DOCK4: variants seen among roughly 807,000 people sequenced by gnomAD.
DOCK4 encodes dedicator of cytokinesis protein 4.
Under a neutral mutation model 268.1 loss-of-function variants are expected in DOCK4, and 97 were observed. That is an observed-to-expected ratio of 0.36 (90% CI 0.31 to 0.43). DOCK4 has a LOEUF of 0.43. Among genes scored for constraint, DOCK4 ranks in the 20% least tolerant of loss-of-function variants. The pLI is 1.00. For missense variants in DOCK4, 2,145 were observed against 2,455.7 expected, an observed-to-expected ratio of 0.87 and a Z score of 2.67; for synonymous variants, 954 against 887.2, an observed-to-expected ratio of 1.08 and a Z score of -1.34.
At position 111,899,321 on chromosome 7, in the gene DOCK4, G is replaced by A. The variant is rs1173637586; in HGVS notation, c.1480+1053C>T. On this transcript the variant is annotated intron_variant, in intron 15 of 52. Transcript: ENST00000428084. ...CCCCTATTCCTTCCAGACTGGAAGA[G>A]AGCCTGCTGCTTCTTCAAAAATGTG... Among the ~76,000 whole-genome samples the A allele has an allele frequency of 2.0e-5, 3 of 152,198 alleles. No homozygotes were observed. The East Asian group carries it at 5.8e-4, about 29-fold the overall frequency.
intron 16 of DOCK4, among the ~76,000 whole-genome samples, chr7:111,885,300 C>T (rs142030172): frequency 1.3e-5 from 2 of 152,262 alleles, no homozygotes; most frequent in African/African-American, 4.8e-5. Flanking sequence ...ATACTCCTAA[C>T]CTGGATGGGG....
chr7:111,994,847 C>A (rs947045430), intron 4 of DOCK4, among the ~76,000 whole-genome samples: 1 of 151,988 alleles, frequency 6.6e-6, no homozygotes, highest in Non-Finnish European at 1.5e-5. Context: ...ATGACATCAC[C>A]GATATTTGAA....
chr7:112,092,175 C>A (rs1413581000), intron 1 of DOCK4, among the ~76,000 whole-genome samples: 1 of 152,146 alleles, frequency 6.6e-6, no homozygotes, highest in Non-Finnish European at 1.5e-5. Context: ...AAGGGACTAT[C>A]ATGAACCATT....
chr7:111,732,395 G>C (rs942053808), intron 51 of DOCK4, 108 bp from the exon 52 acceptor site: 18 of 1,120,290 alleles, frequency 1.6e-5, no homozygotes, highest in Non-Finnish European at 2.4e-5. Flanking sequence ...AGTGCATAAG[G>C]ACCTTCTAAG....
In DOCK4 at chr7:111,840,532, T is replaced by C. The variant is rs528051910; in HGVS notation, c.2736+4231A>G. Among the ~76,000 whole-genome samples the C allele has an allele frequency of 1.1e-4, 16 of 151,928 alleles. No individual in the cohort carries two copies. The South Asian group carries it at 2.9e-3, about 28-fold the overall frequency. The stretch of plus-strand genomic sequence containing the variant: ...ACTGATCACAATGGTGCTTTTTTGT[T>C]TTTTTTTTCTAGCTAGGGAAAGCAT... On this transcript the variant is annotated intron_variant, in intron 25 of 52. Coordinates refer to ENST00000428084, the MANE Select transcript of DOCK4 (RefSeq NM_001363540.2).
intron 31 of DOCK4, among the ~76,000 whole-genome samples, chr7:111,790,134 AT>A (rs1799430501): frequency 6.6e-6 from 1 of 152,216 alleles, no homozygotes; most frequent in African/African-American, 2.4e-5. Flanking sequence ...GAGTTTAATC[AT>A]TAACTCTCTG....
At chr7:112,034,052 A>G (rs1202115101) in intron 1 of DOCK4, among the ~76,000 whole-genome samples, 1 of 152,182 alleles carries the variant, frequency 6.6e-6, no homozygotes, top group Admixed American at 6.5e-5. Flanking sequence ...TTTCACTTGC[A>G]TACTCATATG....
At chr7:111,894,475 GT>G (rs1808572954) in intron 16 of DOCK4, among the ~76,000 whole-genome samples, 2 of 152,168 alleles carry the variant, frequency 1.3e-5, no homozygotes, top group East Asian at 3.9e-4. Flanking sequence ...TAAGAGATGT[GT>G]GCAGATACCA....
Position 111,846,904 on chromosome 7 carries a change from C to T in DOCK4, c.2601+95G>A, listed in dbSNP as rs1449962878. On this transcript the variant is annotated intron_variant, in intron 24 of 52. Coordinates refer to ENST00000428084, the MANE Select transcript of DOCK4 (RefSeq NM_001363540.2). The stretch of plus-strand genomic sequence containing the variant: ...TGGAAATAAAAGTGGGTCTCAGAGG[C>T]TTCCTCTTTAGTGCGGTTTCTTTGT... The T allele has an allele frequency of 2.2e-6, 3 of 1,392,046 alleles. No individual in the cohort carries two copies. In the African/African-American group the frequency reaches 4.3e-5, roughly 20 times the overall value. 86.2% of individuals were successfully genotyped at this position (1,392,046 alleles called of 1,614,324 possible).
At chr7:111,952,093 G>GAA (rs201768009) in intron 8 of DOCK4, among the ~76,000 whole-genome samples, 5 of 107,574 alleles carry the variant, frequency 4.6e-5, no homozygotes, top group South Asian at 3.1e-4. Flanking sequence ...CCCTGTCTGC[G>GAA]AAAAAAAAAA....
chr7:111,860,788 G>A (rs1383295434), intron 23 of DOCK4, among the ~76,000 whole-genome samples: 2 of 151,996 alleles, frequency 1.3e-5, no homozygotes, highest in Non-Finnish European at 2.9e-5. Flanking sequence ...TCTTTATCCC[G>A]CATCACAGCA....
At chr7:112,063,715 C>T (rs892713931) in intron 1 of DOCK4, among the ~76,000 whole-genome samples, 6 of 152,146 alleles carry the variant, frequency 3.9e-5, no homozygotes, top group Non-Finnish European at 5.9e-5. Context: ...TTTTTTCATG[C>T]TCATCTTCCA....
rs1054069983 is a variant in DOCK4 at position 111,755,518 on chromosome 7, T to C, written c.4413A>G (p.Glu1471=). Residue 1471 remains glutamate (E), a synonymous_variant, in exon 42 of 53, where the codon GAA becomes GAG. Transcript: ENST00000428084. ...GAGAACAAGCTCTGATCCTTACCAC[T>C]TCACGCTTTTCCACTTCAAACCAGC... is the stretch of plus-strand genomic sequence containing the variant. ...ISRWFEVEKR[E]VVEMSPLENA... The C allele has an allele frequency of 3.7e-6, 6 of 1,613,784 alleles. No homozygotes were observed. In the South Asian group the frequency reaches 4.4e-5, roughly 12 times the overall value.
At chr7:112,101,955 G>A (rs1485137714) in intron 1 of DOCK4, among the ~76,000 whole-genome samples, 5 of 151,506 alleles carry the variant, frequency 3.3e-5, no homozygotes, top group African/African-American at 1.2e-4. Flanking sequence ...CCATTCTCCC[G>A]CCTCAGCCTC....
Position 112,018,143 on chromosome 7 carries a change from CA to C in DOCK4, c.38-14013del, listed in dbSNP as rs140883588. 2.7e-3 allele frequency among the ~76,000 whole-genome samples: 55 copies of C among 20,634 alleles called. 3 individuals are homozygous for C. Among genetic ancestry groups the C allele is most frequent in the Admixed American group, 9.6e-3 (10 of 1,044 alleles). The allele number at this position is 20,634 out of a possible 152,430, so 13.5% of individuals were successfully genotyped here. A position where few individuals can be genotyped will look rare whatever the true frequency, so the allele number is the denominator to read the frequency against. On this transcript the variant is annotated intron_variant, in intron 1 of 52. Coordinates refer to ENST00000428084, the MANE Select transcript of DOCK4 (RefSeq NM_001363540.2). Reference sequence around the variant, plus strand: ...TGGGCAACACAGCAAGACTCCAGCTCAAAAAAAAAAAAAAAAAAAAAAAAAA... The same window carrying C: ...TGGGCAACACAGCAAGACTCCAGCTCAAAAAAAAAAAAAAAAAAAAAAAAA...
chr7:111,914,863 C>A (rs908575780), intron 13 of DOCK4, among the ~76,000 whole-genome samples: 1 of 152,058 alleles, frequency 6.6e-6, no homozygotes, highest in Non-Finnish European at 1.5e-5. Flanking sequence ...TTTTATAGCC[C>A]CAGTATTTGG....
intron 52 of DOCK4, among the ~76,000 whole-genome samples, chr7:111,730,516 A>G (rs904318055): frequency 9.9e-5 from 15 of 152,192 alleles, no homozygotes; most frequent in Admixed American, 6.5e-4. Flanking sequence ...ATTAAGGCCA[A>G]TTAAGAGTTC....
At chr7:112,067,321 A>C (rs1329772207) in intron 1 of DOCK4, among the ~76,000 whole-genome samples, 1 of 151,976 alleles carries the variant, frequency 6.6e-6, no homozygotes. Context: ...CCAACCCATC[A>C]ACATCCTGAC....
intron 42 of DOCK4, among the ~76,000 whole-genome samples, chr7:111,750,804 G>C (rs1796586315): frequency 6.6e-6 from 1 of 152,062 alleles, no homozygotes; most frequent in Non-Finnish European, 1.5e-5. Flanking sequence ...GCTCCCAACA[G>C]GCAAAGATGG....
Sources: allele counts gnomAD v4.1 joint callset (sites outside exome capture counted in the v4.1 genomes callset), GRCh38; gene constraint gnomAD v4.1.1; transcripts MANE v1.5; gene names NCBI Gene and HGNC (gene_info 2026-07-23, HGNC 2026-07-21).